Variants in SLC25A30 observed in about 807,000 individuals in gnomAD.
The protein encoded by SLC25A30 is kidney mitochondrial carrier protein 1.
A neutral mutation model predicts 42.7 loss-of-function variants in SLC25A30; 29 were observed. That is an observed-to-expected ratio of 0.68 (90% CI 0.51 to 0.93). The LOEUF (loss-of-function observed/expected upper bound fraction) is 0.93. Ranked by LOEUF, SLC25A30 falls within the 40% of genes least tolerant of loss-of-function variation. The pLI is 0.00. For synonymous variants in SLC25A30, 124 were observed against 131.0 expected (o/e 0.95, Z 0.37); for missense variants, 300 against 359.7 (o/e 0.83, Z 1.34).
At chr13:45,425,413 T>G in the SLC25A30 span, among the ~76,000 whole-genome samples, 1 of 112,778 alleles carries the variant, frequency 8.9e-6, no homozygotes, top group African/African-American at 3.5e-5. Flanking sequence ...TATATATAAA[T>G]ATATAAGTAT....
rs773838677 is a variant in SLC25A30 at position 45,394,031 on chromosome 13, C to T, written c.*1943G>A. On this transcript the variant is annotated 3_prime_UTR_variant, in exon 10 of 10. Transcript: ENST00000519676. ...TTTCAAGAAAAGCAATCTTTAAACT[C>T]AAAGAACTCAAAAGTGAAAGCCTCT... 1.1e-5 allele frequency: 11 copies of T among 984,936 alleles called. No individual in the cohort carries two copies. The highest frequency in any genetic ancestry group is 3.5e-5 in the African/African-American group (2 of 57,146). 61.0% of individuals were successfully genotyped at this position (984,936 alleles called of 1,614,324 possible).
intron 1 of SLC25A30, among the ~76,000 whole-genome samples, chr13:45,416,665 G>A (rs74696456): frequency 0.027 from 4,173 of 152,096 alleles, 192 homozygotes; most frequent in African/African-American, 0.094. Flanking sequence ...CAGCTACTCC[G>A]CAGGCTGAGG....
chr13:45,409,458 G>A (rs771507696), intron 2 of SLC25A30, among the ~76,000 whole-genome samples: 9 of 151,778 alleles, frequency 5.9e-5, no homozygotes, highest in Non-Finnish European at 8.8e-5. Flanking sequence ...TGAACAAAGA[G>A]GTAAAAAAAG....
the SLC25A30 span, among the ~76,000 whole-genome samples, chr13:45,424,641 A>ATATG: frequency 5.5e-5 from 2 of 36,466 alleles, 1 homozygote; most frequent in Non-Finnish European, 9.6e-5. Flanking sequence ...ATGTATATAA[A>ATATG]CATAAATATA....
Position 45,394,529 on chromosome 13 carries a change from A to G in SLC25A30, c.*1445T>C. 1.1e-5 allele frequency: 11 copies of G among 985,410 alleles called. No individual in the cohort carries two copies. The highest frequency in any genetic ancestry group is 1.2e-5 in the Non-Finnish European group (10 of 829,936). 61.0% of individuals were successfully genotyped at this position (985,410 alleles called of 1,614,324 possible). A position where few individuals can be genotyped will look rare whatever the true frequency, so the allele number is the denominator to read the frequency against. On this transcript the variant is annotated 3_prime_UTR_variant, in exon 10 of 10. Coordinates refer to ENST00000519676, the MANE Select transcript of SLC25A30 (RefSeq NM_001010875.4). ...AATGTTGTTCTCAAAGGGGGAACTGAAGAGACCCAAATAAATATGTTCCCT... is the reference window on the plus strand; with the variant it reads ...AATGTTGTTCTCAAAGGGGGAACTGGAGAGACCCAAATAAATATGTTCCCT...
rs769164905 is a variant in SLC25A30 at position 45,402,356 on chromosome 13, C to T, written c.408G>A (p.Ala136=). The part of the protein sequence containing the change: ...PTDVLKIRMQ[A]QSNTIQGGMI... ...TTCCTCCTTGAATGGTGTTGCTTTG[C>T]GCTTGCATCCGAATCTAGAGATTAT... Residue 136 remains alanine (A), a synonymous_variant, in exon 6 of 10, where the codon GCG becomes GCA. Coordinates refer to ENST00000519676, the MANE Select transcript of SLC25A30 (RefSeq NM_001010875.4). 14 of 1,613,440 alleles carry T rather than the reference C, an allele frequency of 8.7e-6. No individual in the cohort carries two copies. The highest frequency in any genetic ancestry group is 3.3e-5 in the South Asian group (3 of 91,044).
the SLC25A30 span, among the ~76,000 whole-genome samples, chr13:45,424,565 G>GTATAAATA: frequency 4.5e-4 from 6 of 13,430 alleles, no homozygotes; most frequent in South Asian, 4.4e-3. Flanking sequence ...ATATATAAAT[G>GTATAAATA]TATAAATATA....
At chr13:45,432,935 G>A in the SLC25A30 span, among the ~76,000 whole-genome samples, 18 of 151,568 alleles carry the variant, frequency 1.2e-4, no homozygotes, top group African/African-American at 3.9e-4. Flanking sequence ...TACTCAGGAG[G>A]CTGAAGTGGG....
upstream of SLC25A30, among the ~76,000 whole-genome samples, chr13:45,419,371 T>A (rs1226011850): frequency 6.6e-6 from 1 of 150,934 alleles, no homozygotes; most frequent in Non-Finnish European, 1.5e-5. Flanking sequence ...CAGGCTGGAG[T>A]GCAATGGCAC....
intron 8 of SLC25A30, 169 bp from the exon 9 acceptor site, chr13:45,397,507 G>T (rs961849919): frequency 4.6e-5 from 24 of 517,778 alleles, no homozygotes; most frequent in East Asian, 1.0e-4. Flanking sequence ...CCTGGCTAAT[G>T]CAGTGAAACC....
Position 45,393,340 on chromosome 13 carries a change from G to A in SLC25A30, c.*2634C>T. ...ATTTTTATTATTATATATTACTCCA[G>A]TTTATTAAATAAATGAAACAAGGCT... On this transcript the variant is annotated 3_prime_UTR_variant, in exon 10 of 10. Coordinates refer to ENST00000519676, the MANE Select transcript of SLC25A30 (RefSeq NM_001010875.4). 1 of 965,898 alleles carries A rather than the reference G, an allele frequency of 1.0e-6. No individual in the cohort carries two copies. The highest frequency in any genetic ancestry group is 1.2e-6 in the Non-Finnish European group (1 of 812,314). 59.8% of individuals were successfully genotyped at this position (965,898 alleles called of 1,614,324 possible). A position where few individuals can be genotyped will look rare whatever the true frequency, so the allele number is the denominator to read the frequency against.
At chr13:45,397,421 G>A (rs1429018894) in intron 8 of SLC25A30, 83 bp from the exon 9 acceptor site, 28 of 964,486 alleles carry the variant, frequency 2.9e-5, no homozygotes, top group East Asian at 7.5e-5. Flanking sequence ...GGCCAGGCGC[G>A]GTGGCTCACG....
chr13:45,400,734 T>C (rs1881887299), intron 7 of SLC25A30, among the ~76,000 whole-genome samples: 1 of 152,140 alleles, frequency 6.6e-6, no homozygotes, highest in African/African-American at 2.4e-5. Flanking sequence ...TAGGCTCAAG[T>C]GATCCTCCTG....
intron 1 of SLC25A30, among the ~76,000 whole-genome samples, chr13:45,417,879 G>A (rs961721185): frequency 2.0e-5 from 3 of 152,354 alleles, no homozygotes; most frequent in East Asian, 1.9e-4. Context: ...CCCACAGTGC[G>A]AAGCTCGCGG....
chr13:45,406,016 A>G (rs1242461824), intron 3 of SLC25A30, 39 bp from the exon 4 acceptor site: 1 of 1,597,316 alleles, frequency 6.3e-7, no homozygotes, highest in East Asian at 2.2e-5. Flanking sequence ...AGCAATCTAA[A>G]AATCACTTAA....
rs1593603565 is a variant in SLC25A30 at position 45,400,463 on chromosome 13, T to C, written c.614+620A>G. ...AGTCCGTAAGTACTGACACGAAGTCTGTAAGCACTCAAAGATATTTGGAAT... is the reference window on the plus strand; with the variant it reads ...AGTCCGTAAGTACTGACACGAAGTCCGTAAGCACTCAAAGATATTTGGAAT... On this transcript the variant is annotated intron_variant, in intron 7 of 9. Coordinates refer to ENST00000519676, the MANE Select transcript of SLC25A30 (RefSeq NM_001010875.4). Among the ~76,000 whole-genome samples the C allele has an allele frequency of 3.9e-5, 6 of 152,220 alleles. No individual in the cohort carries two copies. The South Asian group carries it at 1.2e-3, about 32-fold the overall frequency.
rs754013548 is a variant in SLC25A30, at chr13:45,405,897, A to G, written c.293T>C (p.Ile98Thr). Residue 98 changes from isoleucine (I) to threonine (T), a missense_variant, in exon 4 of 10, where the codon ATT becomes ACT. By Grantham distance (89) the Ile-to-Thr change is moderately conservative. Coordinates refer to ENST00000519676, the MANE Select transcript of SLC25A30 (RefSeq NM_001010875.4). ...GTYQSLKRLF[I>T]ERPEDETLPI... is the part of the protein sequence containing the mutation. Reference sequence around the variant, plus strand: ...TCCCCACTCACCTTCTGGGCGTTCAATGAATAGTCGCTTCAAGCTCTGGTA... The same window carrying G: ...TCCCCACTCACCTTCTGGGCGTTCAGTGAATAGTCGCTTCAAGCTCTGGTA... 5.0e-6 allele frequency: 8 copies of G among 1,614,166 alleles called. No homozygotes were observed. The highest frequency in any genetic ancestry group is 1.3e-5 in the African/African-American group (1 of 75,062).
the SLC25A30 span, among the ~76,000 whole-genome samples, chr13:45,427,851 C>G: frequency 6.6e-6 from 1 of 152,032 alleles, no homozygotes; most frequent in South Asian, 2.1e-4. Flanking sequence ...TCAAGCGATT[C>G]TCCTGCCTCA....
the SLC25A30 span, among the ~76,000 whole-genome samples, chr13:45,424,802 A>T: frequency 1.5e-5 from 1 of 65,674 alleles, no homozygotes; most frequent in Non-Finnish European, 2.8e-5. Flanking sequence ...GAATATAAAT[A>T]TATAAAAAAA....
Sources: gnomAD v4.1 joint callset for allele counts (sites outside exome capture counted in the v4.1 genomes callset) on GRCh38, gnomAD v4.1.1 for gene constraint, MANE v1.5 for transcripts, NCBI Gene and HGNC (gene_info 2026-07-23, HGNC 2026-07-21) for gene names.